The following RPH3A variants were observed in gnomAD, a reference collection of about 807,000 sequenced individuals.
The protein encoded by RPH3A is rabphilin-3A.
Under a neutral mutation model 102.2 loss-of-function variants are expected in RPH3A, and 48 were observed. The observed-to-expected ratio is 0.47, with a 90% CI of 0.37 to 0.60. The LOEUF is 0.60. RPH3A is among the 20% of genes least tolerant of loss of function. The pLI is 0.00. For synonymous variants in RPH3A, 310 were observed against 324.3 expected (o/e 0.96, Z 0.47); for missense variants, 781 against 910.1 (o/e 0.86, Z 1.83).
At chr12:112,896,513 T>C (rs567000782) in intron 21 of RPH3A, 137 bp from the exon 22 acceptor site, 1 of 978,482 alleles carries the variant, frequency 1.0e-6, no homozygotes, top group Admixed American at 2.3e-5. Flanking sequence ...AGCAACGTTA[T>C]AACAACTCTC....
Position 112,887,957 on chromosome 12 carries a change from G to T in RPH3A, c.1563+34G>T, listed in dbSNP as rs1363305772. ...CTTTACCCTGAGGATCTGATGGGAG[G>T]AGGGGAGATTGGGGGAGCTGCCTTC... On this transcript the variant is annotated intron_variant, in intron 17 of 21. Transcript: ENST00000389385. 8 of 1,608,460 alleles carry T rather than the reference G, an allele frequency of 5.0e-6. No individual in the cohort carries two copies. In the African/African-American group the frequency reaches 1.1e-4, roughly 21 times the overall value.
At chr12:112,844,588 A>C (rs528817795) in intron 4 of RPH3A, among the ~76,000 whole-genome samples, 1 of 152,262 alleles carries the variant, frequency 6.6e-6, no homozygotes, top group East Asian at 1.9e-4. Context: ...GACCCCTAGA[A>C]ACTGTGAGAA....
intron 4 of RPH3A, among the ~76,000 whole-genome samples, chr12:112,845,763 C>T (rs1159082318): frequency 1.3e-5 from 2 of 152,110 alleles, no homozygotes; most frequent in African/African-American, 2.4e-5. Flanking sequence ...AGATAAGGTC[C>T]GTGCCATCCT....
At chr12:112,788,683 T>A (rs1319635995), upstream of RPH3A, among the ~76,000 whole-genome samples, 4 of 152,206 alleles carry the variant, frequency 2.6e-5, no homozygotes. Context: ...TGTCATTCCC[T>A]AAGGGAGAGC....
At chr12:112,667,889 C>G (rs147859469) in intron 1 of RPH3A, among the ~76,000 whole-genome samples, 38 of 152,276 alleles carry the variant, frequency 2.5e-4, no homozygotes, top group African/African-American at 8.2e-4. Flanking sequence ...CCCATTGGAA[C>G]AGTGGATGGC....
chr12:112,694,693 G>A (rs1305704354), intron 1 of RPH3A, among the ~76,000 whole-genome samples: 1 of 151,742 alleles, frequency 6.6e-6, no homozygotes, highest in Non-Finnish European at 1.5e-5. Context: ...CAGAGAGAGA[G>A]AGAGAGAGAT....
rs1462269381 is a variant in RPH3A at position 112,578,270 on chromosome 12, GA to G, written c.-140+2952del. Among the ~76,000 whole-genome samples, 8 of 152,256 alleles carry G rather than the reference GA, an allele frequency of 5.3e-5. 1 individual carries two copies. Among genetic ancestry groups the G allele is most frequent in the African/African-American group, 1.9e-4 (8 of 41,542 alleles). On this transcript the variant is annotated intron_variant, in intron 1 of 21. Coordinates refer to the RPH3A transcript ENST00000543106. ...GACCCCAGCAATAGTGGCTGTCTGT[GA>G]CTGTTACCTCACAGCCAGGGAAGAA...
intron 1 of RPH3A, among the ~76,000 whole-genome samples, chr12:112,677,923 G>C (rs2040193097): frequency 6.6e-6 from 1 of 152,070 alleles, no homozygotes; most frequent in Non-Finnish European, 1.5e-5. Flanking sequence ...AGGCGTGGTG[G>C]TGCATGCCTG....
intron 3 of RPH3A, among the ~76,000 whole-genome samples, chr12:112,830,585 C>T (rs1437294437): frequency 1.3e-5 from 2 of 152,160 alleles, no homozygotes; most frequent in African/African-American, 4.8e-5. Context: ...TTTTATTCTG[C>T]TTGTATTATG....
chr12:112,871,025 C>G (rs2042699638), intron 10 of RPH3A, among the ~76,000 whole-genome samples: 1 of 152,204 alleles, frequency 6.6e-6, no homozygotes, highest in Admixed American at 6.5e-5. Flanking sequence ...GAAACTGAGC[C>G]TCAGAGAGGC....
intron 5 of RPH3A, among the ~76,000 whole-genome samples, chr12:112,850,030 G>T (rs993648638): frequency 1.3e-5 from 2 of 152,094 alleles, no homozygotes; most frequent in African/African-American, 4.8e-5. Flanking sequence ...TACCTTCAAT[G>T]CCCTGCTGTA....
At chr12:112,578,146 A>G (rs948994178) in intron 1 of RPH3A, among the ~76,000 whole-genome samples, 1 of 152,074 alleles carries the variant, frequency 6.6e-6, no homozygotes, top group African/African-American at 2.4e-5. Context: ...TTTTGTCCCT[A>G]TGTGGGTGTC....
intron 5 of RPH3A, among the ~76,000 whole-genome samples, chr12:112,861,756 G>A (rs2042516903): frequency 6.6e-6 from 1 of 152,240 alleles, no homozygotes; most frequent in South Asian, 2.1e-4. Context: ...GCTCACGCCT[G>A]TAATCCCAGC....
intron 1 of RPH3A, among the ~76,000 whole-genome samples, chr12:112,576,909 CTTTT>C (rs3036138): frequency 2.6e-5 from 3 of 114,620 alleles, no homozygotes; most frequent in African/African-American, 3.6e-5. Flanking sequence ...TCTTTTCTTC[CTTTT>C]TTTTTTTTTT....
chr12:112,849,037 G>A (rs1055356942), intron 5 of RPH3A, among the ~76,000 whole-genome samples: 2 of 152,158 alleles, frequency 1.3e-5, no homozygotes, highest in East Asian at 1.9e-4. Context: ...TCTGCCAGGG[G>A]AAGCCATTGC....
chr12:112,877,502 A>T (rs1391984556), intron 13 of RPH3A, among the ~76,000 whole-genome samples: 2 of 150,996 alleles, frequency 1.3e-5, no homozygotes, highest in Non-Finnish European at 2.9e-5. Context: ...CCTGGGGCAG[A>T]CTTTGTGAGC....
At chr12:112,820,554 G>C (rs112388643) in intron 2 of RPH3A, among the ~76,000 whole-genome samples, 4 of 152,210 alleles carry the variant, frequency 2.6e-5, no homozygotes, top group Non-Finnish European at 4.4e-5. Context: ...CTTAATGGGT[G>C]TTTGGGAGAG....
chr12:112,659,228 G>T (rs1022047001), intron 1 of RPH3A, among the ~76,000 whole-genome samples: 2 of 152,104 alleles, frequency 1.3e-5, no homozygotes, highest in African/African-American at 2.4e-5. Context: ...AATGCATCAC[G>T]ACCATCTAGC....
chr12:112,633,834 T>C (rs2135987496), intron 1 of RPH3A, among the ~76,000 whole-genome samples: 1 of 152,338 alleles, frequency 6.6e-6, no homozygotes, highest in East Asian at 1.9e-4. Context: ...GAGACTGAGG[T>C]CTGGATCTTG....
Sources: allele counts gnomAD v4.1 joint callset (sites outside exome capture counted in the v4.1 genomes callset), GRCh38; gene constraint gnomAD v4.1.1; transcripts MANE v1.5; gene names NCBI Gene and HGNC (gene_info 2026-07-23, HGNC 2026-07-21).